The following CACNA2D3 variants were observed in gnomAD, a reference collection of about 807,000 sequenced individuals.
The protein encoded by CACNA2D3 is voltage-dependent calcium channel subunit alpha-2/delta-3.
Under a neutral mutation model 160.6 loss-of-function variants are expected in CACNA2D3, and 60 were observed. That is an observed-to-expected ratio of 0.37 (90% CI 0.30 to 0.46). The LOEUF is 0.46. Among genes scored for constraint, CACNA2D3 ranks in the 20% least tolerant of loss-of-function variants. The probability of loss-of-function intolerance (pLI) is 1.00; values close to 1 mark genes in which losing one functional copy is unlikely to be tolerated. For synonymous variants in CACNA2D3, 558 were observed against 492.9 expected (o/e 1.13, Z -1.75); for missense variants, 1,205 against 1,365.0 (o/e 0.88, Z 1.85).
rs561035685 is a variant in CACNA2D3, at chr3:54,680,795, A to G, written c.1167+38554A>G. Reference sequence around the variant, plus strand: ...TGGGAGGTTTTTCAGGGTTATAGCTATGTTGCTGCATTTTGAAAATGGAGT... The same window carrying G: ...TGGGAGGTTTTTCAGGGTTATAGCTGTGTTGCTGCATTTTGAAAATGGAGT... On this transcript the variant is annotated intron_variant, in intron 11 of 37. Coordinates refer to ENST00000474759, the MANE Select transcript of CACNA2D3 (RefSeq NM_018398.3). 5.3e-5 allele frequency among the ~76,000 whole-genome samples: 8 copies of G among 152,220 alleles called. No homozygotes were observed. The East Asian group carries it at 1.5e-3, about 29-fold the overall frequency.
intron 35 of CACNA2D3, among the ~76,000 whole-genome samples, chr3:55,042,517 T>G (rs1280551049): frequency 6.6e-6 from 1 of 152,176 alleles, no homozygotes; most frequent in Non-Finnish European, 1.5e-5. Context: ...TCTTTTTACC[T>G]TCCACTTATC....
chr3:54,373,768 T>G (rs931350443), intron 3 of CACNA2D3, among the ~76,000 whole-genome samples: 3 of 152,170 alleles, frequency 2.0e-5, no homozygotes, highest in African/African-American at 7.2e-5. Flanking sequence ...TTGAGCTGGG[T>G]CTTCTGGGAG....
intron 2 of CACNA2D3, among the ~76,000 whole-genome samples, chr3:54,146,595 G>GC (rs200467819): frequency 1.5e-5 from 2 of 136,570 alleles, no homozygotes. Context: ...ATGTGGGGAA[G>GC]GGGGGCGTGG....
intron 11 of CACNA2D3, among the ~76,000 whole-genome samples, chr3:54,740,002 T>C (rs909906730): frequency 1.3e-5 from 2 of 152,094 alleles, no homozygotes; most frequent in Admixed American, 6.6e-5. Flanking sequence ...GGATGTTTAG[T>C]ATCTAGCATT....
At position 54,276,588 on chromosome 3, in the gene CACNA2D3, A is replaced by AAG. The variant is rs1553775460; in HGVS notation, c.205-43853_205-43852insGA. ...ACTCTGTCTCAAAAAAAAAAAAAAAAAAGAAGAAGAAGAAAGAGAGAGCCA... is the reference window on the plus strand; with the variant it reads ...ACTCTGTCTCAAAAAAAAAAAAAAAAAGAAGAAGAAGAAGAAAGAGAGAGCCA... On this transcript the variant is annotated intron_variant, in intron 2 of 37. Coordinates refer to ENST00000474759, the MANE Select transcript of CACNA2D3 (RefSeq NM_018398.3). 6.4e-3 allele frequency among the ~76,000 whole-genome samples: 822 copies of AAG among 127,690 alleles called. 8 individuals are homozygous for AAG. Among genetic ancestry groups the AAG allele is most frequent in the South Asian group, 0.026 (102 of 3,908 alleles). The allele number at this position is 127,690 out of a possible 152,430, so 83.8% of individuals were successfully genotyped here.
intron 2 of CACNA2D3, among the ~76,000 whole-genome samples, chr3:54,141,790 A>G (rs539021227): frequency 3.2e-4 from 48 of 152,234 alleles, no homozygotes; most frequent in Non-Finnish European, 5.9e-4. Context: ...CAGAAGCACA[A>G]GAAAACAACC....
intron 35 of CACNA2D3, among the ~76,000 whole-genome samples, chr3:55,062,890 GA>G (rs1704548146): frequency 6.6e-6 from 1 of 152,194 alleles, no homozygotes; most frequent in Non-Finnish European, 1.5e-5. Flanking sequence ...ACAGTTTTCA[GA>G]CTATCCTTTG....
At chr3:54,886,703 T>A (rs1316942228) in intron 23 of CACNA2D3, among the ~76,000 whole-genome samples, 1 of 151,786 alleles carries the variant, frequency 6.6e-6, no homozygotes, top group Admixed American at 6.6e-5. Flanking sequence ...AAAATATATA[T>A]TAAACTTTAT....
intron 4 of CACNA2D3, among the ~76,000 whole-genome samples, chr3:54,431,652 G>A (rs1344053773): frequency 1.3e-5 from 2 of 152,058 alleles, no homozygotes; most frequent in Non-Finnish European, 2.9e-5. Context: ...TCGCTGTGTT[G>A]CCCAGGCTGG....
chr3:55,053,974 C>T (rs781392004), intron 35 of CACNA2D3, among the ~76,000 whole-genome samples: 30 of 151,446 alleles, frequency 2.0e-4, no homozygotes, highest in Non-Finnish European at 2.7e-4. Context: ...TGTTCATCCT[C>T]TTTTTTTTCT....
At chr3:54,647,654 G>C (rs912065221) in intron 11 of CACNA2D3, among the ~76,000 whole-genome samples, 1 of 152,218 alleles carries the variant, frequency 6.6e-6, no homozygotes, top group Admixed American at 6.5e-5. Flanking sequence ...ACCAGGGGGG[G>C]CATTTGTGAG....
intron 11 of CACNA2D3, among the ~76,000 whole-genome samples, chr3:54,676,248 A>G (rs958911715): frequency 6.6e-6 from 1 of 152,220 alleles, no homozygotes; most frequent in Non-Finnish European, 1.5e-5. Context: ...TTATCCAGAC[A>G]TTGAAACTGA....
intron 35 of CACNA2D3, among the ~76,000 whole-genome samples, chr3:55,030,922 C>T (rs563544507): frequency 1.1e-4 from 16 of 152,062 alleles, no homozygotes; most frequent in Middle Eastern, 3.4e-3. Flanking sequence ...ATGAGAGGGG[C>T]GCATGTCTAT....
Position 54,896,801 on chromosome 3 carries a change from C to T in CACNA2D3, c.2299C>T (p.Pro767Ser). 1 of 1,613,998 alleles carries T rather than the reference C, an allele frequency of 6.2e-7. No homozygotes were observed. The highest frequency in any genetic ancestry group is 8.5e-7 in the Non-Finnish European group (1 of 1,179,882). Residue 767 changes from proline to serine, a missense_variant, in exon 26 of 38, where the codon CCT becomes TCT. Physicochemically the swap from Pro to Ser is moderately conservative, Grantham distance 74. Around this residue, in one of 3 missense-constraint regions of CACNA2D3, gnomAD observed 911 missense variants for 1,002.2 expected, o/e 0.91. Coordinates refer to ENST00000474759, the MANE Select transcript of CACNA2D3 (RefSeq NM_018398.3). ...KENIFNADHF[P>S]LWYRRAAEQI... The stretch of plus-strand genomic sequence containing the variant: ...GAACATTTTTAACGCAGACCATTTC[C>T]CTCTCTGGTACCGAAGAGCCGCTGA...
chr3:54,287,229 G>A (rs1053767799), intron 2 of CACNA2D3, among the ~76,000 whole-genome samples: 3 of 152,116 alleles, frequency 2.0e-5, no homozygotes, highest in African/African-American at 7.2e-5. Flanking sequence ...AGGGACGGAG[G>A]AAGATATACC....
At chr3:54,419,179 C>G (rs1699801058) in intron 4 of CACNA2D3, among the ~76,000 whole-genome samples, 1 of 152,194 alleles carries the variant, frequency 6.6e-6, no homozygotes, top group Non-Finnish European at 1.5e-5. Context: ...GGAACTTGAG[C>G]CATGTCAAGC....
chr3:54,828,403 A>G (rs534170979), intron 14 of CACNA2D3, among the ~76,000 whole-genome samples: 1 of 152,342 alleles, frequency 6.6e-6, no homozygotes, highest in East Asian at 1.9e-4. Context: ...CAGCTTTCAG[A>G]TATGTTAATC....
At chr3:54,543,486 T>C (rs1242973285) in intron 5 of CACNA2D3, among the ~76,000 whole-genome samples, 6 of 152,248 alleles carry the variant, frequency 3.9e-5, no homozygotes, top group Non-Finnish European at 8.8e-5. Context: ...GGGTGATTTC[T>C]ACTTCCTGGC....
intron 13 of CACNA2D3, among the ~76,000 whole-genome samples, chr3:54,795,360 A>C (rs977334124): frequency 1.3e-5 from 2 of 151,944 alleles, no homozygotes. Flanking sequence ...GTGTTTGTGA[A>C]TTTTATCATT....
Sources: allele counts gnomAD v4.1 joint callset (sites outside exome capture counted in the v4.1 genomes callset), GRCh38; gene constraint gnomAD v4.1.1; regional missense constraint gnomAD v4.1.1; transcripts MANE v1.5; gene names NCBI Gene and HGNC (gene_info 2026-07-23, HGNC 2026-07-21).